GREB1: variants seen among roughly 807,000 people sequenced by gnomAD.
GREB1 encodes protein GREB1.
A neutral mutation model predicts 200.7 loss-of-function variants in GREB1; 106 were observed. The observed-to-expected ratio is 0.53, with a 90% CI of 0.45 to 0.62. GREB1 has a LOEUF of 0.62. Ranked by LOEUF, GREB1 falls within the 20% of genes least tolerant of loss-of-function variation. GREB1 has a pLI of 0.00. For missense variants in GREB1, 2,243 were observed against 2,556.8 expected, an observed-to-expected ratio of 0.88 and a Z score of 2.65; for synonymous variants, 1,132 against 1,092.4, an observed-to-expected ratio of 1.04 and a Z score of -0.72.
intron 1 of GREB1, among the ~76,000 whole-genome samples, chr2:11,526,512 C>T (rs930114657): frequency 3.3e-5 from 5 of 151,566 alleles, no homozygotes; most frequent in East Asian, 3.9e-4. Context: ...GCTACTCATG[C>T]CTTCTTCCCA....
At chr2:11,605,379 C>A (rs1180790362) in intron 17 of GREB1, among the ~76,000 whole-genome samples, 2 of 151,812 alleles carry the variant, frequency 1.3e-5, no homozygotes, top group Non-Finnish European at 2.9e-5. Flanking sequence ...GCGCTTGCCA[C>A]CACGGCCAGC....
intron 9 of GREB1, chr2:11,587,290 C>T (rs1680213102): frequency 1.1e-6 from 1 of 935,108 alleles, no homozygotes; most frequent in Non-Finnish European, 1.7e-6. Flanking sequence ...CTTTCCTCTG[C>T]CCCCCTTGTC....
In GREB1 at chr2:11,610,732, T is replaced by A; in HGVS notation, c.2711T>A (p.Val904Glu). The A allele has an allele frequency of 6.2e-7, 1 of 1,613,458 alleles. No individual in the cohort carries two copies. Among genetic ancestry groups the A allele is most frequent in the Non-Finnish European group, 8.5e-7 (1 of 1,180,018 alleles). The stretch of plus-strand genomic sequence containing the variant: ...GCGGTGATCAGGACCTTTGTTCTCG[T>A]GCAGCACTACGCGGCCGCCCTGATG... ...HSAVIRTFVL[V>E]QHYAAALMAV... The change falls in exon 18 of 33, where the codon GTG becomes GAG. Residue 904 changes from valine (V) to glutamate (E), a missense_variant. Coordinates refer to ENST00000381486, the MANE Select transcript of GREB1 (RefSeq NM_014668.4).
intron 1 of GREB1, among the ~76,000 whole-genome samples, chr2:11,519,891 C>T (rs964928774): frequency 6.6e-6 from 1 of 152,168 alleles, no homozygotes; most frequent in African/African-American, 2.4e-5. Flanking sequence ...AATCCCAGCA[C>T]TTTGGGAGGC....
intron 19 of GREB1, among the ~76,000 whole-genome samples, chr2:11,614,126 T>G (rs544437509): frequency 3.6e-5 from 1 of 27,722 alleles, no homozygotes; most frequent in East Asian, 7.6e-4. Flanking sequence ...CGGACTTAGA[T>G]TTTTTTTTTT....
In GREB1 at chr2:11,640,364, C is replaced by T. The variant is rs780513457; in HGVS notation, c.5760C>T (p.Asp1920=). ...RQTVVRLELE[D]EWQFRLRDEF... is the part of the protein sequence containing the mutation. ...CGGTCGTCCGCCTGGAGCTCGAGGACGAGTGGCAGTTCCGGCTGCGCGATG... is the reference window on the plus strand; with the variant it reads ...CGGTCGTCCGCCTGGAGCTCGAGGATGAGTGGCAGTTCCGGCTGCGCGATG... The change falls in exon 33 of 33, where the codon GAC becomes GAT. Residue 1920 remains aspartate, a synonymous_variant. Coordinates refer to ENST00000381486, the MANE Select transcript of GREB1 (RefSeq NM_014668.4). The surrounding 1 kb of genome is among the most constrained non-coding windows in gnomAD (Gnocchi z 4.6). The T allele has an allele frequency of 1.4e-5, 22 of 1,614,178 alleles. No individual in the cohort carries two copies. The highest frequency in any genetic ancestry group is 8.3e-5 in the Admixed American group (5 of 60,030).
intron 2 of GREB1, among the ~76,000 whole-genome samples, chr2:11,558,261 G>A (rs1351348882): frequency 6.6e-6 from 1 of 152,178 alleles, no homozygotes; most frequent in African/African-American, 2.4e-5. Flanking sequence ...GGAGAGAGGA[G>A]TAGAAAGCCC....
intron 1 of GREB1, among the ~76,000 whole-genome samples, chr2:11,538,140 G>T (rs545193287): frequency 1.3e-5 from 2 of 152,150 alleles, no homozygotes; most frequent in African/African-American, 4.8e-5. Context: ...GCAGATGCTC[G>T]CTCGGGCAGA....
chr2:11,537,118 G>A (rs531714519), intron 1 of GREB1, among the ~76,000 whole-genome samples: 15 of 152,112 alleles, frequency 9.9e-5, no homozygotes, highest in African/African-American at 2.6e-4. Flanking sequence ...ACCCGCCACC[G>A]CGCCTGGCTG....
At position 11,578,396 on chromosome 2, in the gene GREB1, C is replaced by T. The variant is rs150612503; in HGVS notation, c.737C>T (p.Thr246Met). Residue 246 changes from threonine (T) to methionine (M), a missense_variant, in exon 6 of 33, where the codon ACG becomes ATG. This residue lies in a region of GREB1 where 1,178 missense variants were observed against 1,387.4 expected (regional missense o/e 0.85). Coordinates refer to ENST00000381486, the MANE Select transcript of GREB1 (RefSeq NM_014668.4). ...TTCCCCAGCGAGCCCGTTCCTGGGA[C>T]GAACCCCAGCATCCTGATGGGAGCT... Reference protein sequence around the residue: ...AAFPSEPVPGTNPSILMGAQQ... With the variant: ...AAFPSEPVPGMNPSILMGAQQ... The T allele has an allele frequency of 5.1e-4, 817 of 1,613,988 alleles. No individual in the cohort carries two copies. Among genetic ancestry groups the T allele is most frequent in the Non-Finnish European group, 6.4e-4 (756 of 1,180,020 alleles).
Position 11,588,634 on chromosome 2 carries a change from C to G in GREB1, c.1160-112C>G. On this transcript the variant is annotated intron_variant, in intron 9 of 32. Transcript: ENST00000381486. The stretch of plus-strand genomic sequence containing the variant: ...TCCCAGGACAGGGCACTCGAGGGAC[C>G]TGGCGCAGCTCACCTATCTCCTTCA... 1.6e-5 allele frequency: 16 copies of G among 976,642 alleles called. No individual in the cohort carries two copies. In the South Asian group the frequency reaches 2.1e-4, roughly 13 times the overall value. 60.5% of individuals were successfully genotyped at this position (976,642 alleles called of 1,614,324 possible).
At chr2:11,573,135 C>G (rs1203629266) in intron 4 of GREB1, among the ~76,000 whole-genome samples, 2 of 152,182 alleles carry the variant, frequency 1.3e-5, no homozygotes, top group Non-Finnish European at 2.9e-5. Flanking sequence ...GACATCCAGG[C>G]TTATGCACAC....
chr2:11,518,001 G>T (rs1239845186), intron 1 of GREB1, among the ~76,000 whole-genome samples: 2 of 152,232 alleles, frequency 1.3e-5, no homozygotes, highest in Non-Finnish European at 2.9e-5. Flanking sequence ...TTTCCAAGGA[G>T]TGAGTTTGTT....
chr2:11,582,371 C>G (rs754281203), intron 7 of GREB1, among the ~76,000 whole-genome samples: 3 of 152,200 alleles, frequency 2.0e-5, no homozygotes, highest in African/African-American at 7.2e-5. Context: ...GCCCACCTGC[C>G]GAACCTCATT....
chr2:11,609,000 G>A (rs551383360), intron 17 of GREB1, among the ~76,000 whole-genome samples: 2 of 152,134 alleles, frequency 1.3e-5, no homozygotes, highest in Admixed American at 1.3e-4. Flanking sequence ...AGAAACTGTA[G>A]GCAGAAGCTG....
At chr2:11,623,590 CA>C (rs1684182518) in intron 23 of GREB1, among the ~76,000 whole-genome samples, 1 of 152,058 alleles carries the variant, frequency 6.6e-6, no homozygotes, top group African/African-American at 2.4e-5. Context: ...TTAGTTTTAA[CA>C]AAAAGTTTTA....
At chr2:11,575,028 T>C (rs922608792) in intron 4 of GREB1, among the ~76,000 whole-genome samples, 1 of 152,230 alleles carries the variant, frequency 6.6e-6, no homozygotes, top group African/African-American at 2.4e-5. Context: ...GCCTCTGTAA[T>C]GTAGATGTCT....
intron 4 of GREB1, among the ~76,000 whole-genome samples, chr2:11,573,836 C>G (rs2148015822): frequency 6.6e-6 from 1 of 152,352 alleles, no homozygotes; most frequent in Admixed American, 6.5e-5. Flanking sequence ...CTCTGCAGCA[C>G]AGCGACGGTC....
intron 1 of GREB1, among the ~76,000 whole-genome samples, chr2:11,549,444 G>C (rs1675599568): frequency 6.6e-6 from 1 of 152,208 alleles, no homozygotes; most frequent in Non-Finnish European, 1.5e-5. Context: ...AAATGTTTCA[G>C]AATAGCCTTC....
Sources: allele counts gnomAD v4.1 joint callset (sites outside exome capture counted in the v4.1 genomes callset), GRCh38; gene constraint gnomAD v4.1.1; regional missense constraint gnomAD v4.1.1; non-coding constraint Gnocchi (gnomAD v3.1); transcripts MANE v1.5; gene names NCBI Gene and HGNC (gene_info 2026-07-23, HGNC 2026-07-21).